Variants in IFT81 observed in about 807,000 individuals in gnomAD.
IFT81 encodes intraflagellar transport 81, also known as intraflagellar transport protein 81 homolog.
Under a neutral mutation model 102.6 loss-of-function variants are expected in IFT81, and 72 were observed. That is an observed-to-expected ratio of 0.70 (90% confidence interval 0.58 to 0.85). IFT81 has a LOEUF of 0.85. IFT81 is among the 40% of genes least tolerant of loss of function. The pLI, the probability that IFT81 is intolerant of heterozygous loss-of-function variation, is 0.00. For missense variants in IFT81, 723 were observed against 787.3 expected, an observed-to-expected ratio of 0.92 and a Z score of 0.98; for synonymous variants, 237 against 242.7, an observed-to-expected ratio of 0.98 and a Z score of 0.22.
chr12:110,179,742 A>G (rs1206040327), intron 11 of IFT81, among the ~76,000 whole-genome samples: 1 of 34,470 alleles, frequency 2.9e-5, no homozygotes, highest in Non-Finnish European at 4.7e-5. Context: ...ATATATATAT[A>G]TATATATATA....
chr12:110,147,013 C>G lies in IFT81; in HGVS notation c.1006C>G (p.Pro336Ala), dbSNP rs771779389. Reference sequence around the variant, plus strand: ...TGAAAAGAAAATGATGAGAAATGAGCCCATTGAAGGCAAACTCTCACTGTA... The same window carrying G: ...TGAAAAGAAAATGATGAGAAATGAGGCCATTGAAGGCAAACTCTCACTGTA... ...LIEKKMMRNEPIEGKLSLYRQ... is the reference protein window; with the variant it reads ...LIEKKMMRNEAIEGKLSLYRQ... Residue 336 changes from proline (P) to alanine (A), a missense_variant, in exon 10 of 19, where the codon CCC becomes GCC. Coordinates refer to ENST00000242591, the MANE Select transcript of IFT81 (RefSeq NM_014055.4). 6 of 1,610,106 alleles carry G rather than the reference C, an allele frequency of 3.7e-6. No homozygotes were observed. The Admixed American group carries it at 6.7e-5, about 18-fold the overall frequency.
At chr12:110,174,286 A>T (rs922045453) in intron 11 of IFT81, among the ~76,000 whole-genome samples, 1 of 144,292 alleles carries the variant, frequency 6.9e-6, no homozygotes, top group Non-Finnish European at 1.5e-5. Flanking sequence ...TCAAAAAAAA[A>T]AAAAAAAAAA....
At position 110,129,074 on chromosome 12, in the gene IFT81, C is replaced by G. The variant is rs772600529; in HGVS notation, c.373C>G (p.Leu125Val). Residue 125 changes from leucine (L) to valine (V), a missense_variant, in exon 4 of 19, where the codon CTT becomes GTT. Coordinates refer to ENST00000242591, the MANE Select transcript of IFT81 (RefSeq NM_014055.4). ...RAYLARFLIK[L>V]EVPSEFLQDE... ...ATATTTAGCTCGTTTTTTAATAAAACTTGAGGTACCAAGTGAGTTTCTTCA... is the reference window on the plus strand; with the variant it reads ...ATATTTAGCTCGTTTTTTAATAAAAGTTGAGGTACCAAGTGAGTTTCTTCA... 6.2e-7 allele frequency: 1 copy of G among 1,607,022 alleles called. No homozygotes were observed.
intron 8 of IFT81, among the ~76,000 whole-genome samples, chr12:110,142,269 G>A (rs1341877377): frequency 6.6e-6 from 1 of 152,088 alleles, no homozygotes; most frequent in Non-Finnish European, 1.5e-5. Flanking sequence ...CCAGGTTCAA[G>A]CGATCCTTGT....
intron 11 of IFT81, among the ~76,000 whole-genome samples, chr12:110,170,569 C>T (rs1208017732): frequency 6.6e-6 from 1 of 152,166 alleles, no homozygotes; most frequent in Non-Finnish European, 1.5e-5. Context: ...AAAAATCAGT[C>T]CCAATGATAT....
At chr12:110,129,995 C>T (rs1209116164) in intron 4 of IFT81, among the ~76,000 whole-genome samples, 2 of 152,122 alleles carry the variant, frequency 1.3e-5, no homozygotes, top group Non-Finnish European at 2.9e-5. Flanking sequence ...ATGTCTTATC[C>T]ATCTTTATTT....
At chr12:110,169,682 C>T (rs189110002) in intron 11 of IFT81, among the ~76,000 whole-genome samples, 1 of 152,216 alleles carries the variant, frequency 6.6e-6, no homozygotes, top group East Asian at 1.9e-4. Context: ...CATGCCTCAG[C>T]CTCCCAGGTG....
At chr12:110,207,861 T>C (rs1868880354) in intron 17 of IFT81, among the ~76,000 whole-genome samples, 1 of 152,196 alleles carries the variant, frequency 6.6e-6, no homozygotes, top group Non-Finnish European at 1.5e-5. Flanking sequence ...CTGCTTTAAA[T>C]CTCACATTTT....
At chr12:110,171,433 T>C (rs1896719725) in intron 11 of IFT81, among the ~76,000 whole-genome samples, 1 of 152,184 alleles carries the variant, frequency 6.6e-6, no homozygotes, top group Admixed American at 6.5e-5. Context: ...ACAAATTTCA[T>C]TTAATACAGA....
chr12:110,179,729 T>TAC (rs1283748840), intron 11 of IFT81, among the ~76,000 whole-genome samples: 32 of 11,416 alleles, frequency 2.8e-3, no homozygotes, highest in Non-Finnish European at 3.0e-3. Flanking sequence ...CGAAATTATA[T>TAC]ATATATATAT....
intron 14 of IFT81, among the ~76,000 whole-genome samples, chr12:110,196,261 G>GGT (rs1463269442): frequency 5.9e-5 from 9 of 152,212 alleles, no homozygotes; most frequent in African/African-American, 1.9e-4. Flanking sequence ...GTTCATGCCT[G>GGT]TAATCCTAGC....
chr12:110,200,290 G>A (rs553076950), intron 14 of IFT81, among the ~76,000 whole-genome samples: 1 of 152,220 alleles, frequency 6.6e-6, no homozygotes, highest in Admixed American at 6.5e-5. Flanking sequence ...TTCATATCTA[G>A]GCTATATGGT....
intron 9 of IFT81, among the ~76,000 whole-genome samples, chr12:110,145,862 GTCCAGTGGTGCGATC>G (rs1895196124): frequency 1.3e-5 from 2 of 152,184 alleles, no homozygotes; most frequent in East Asian, 3.9e-4. Flanking sequence ...CCAGGCTGGA[GTCCAGTGGTGCGATC>G]TCGGCTCACT....
chr12:110,183,289 G>A (rs1219186000), intron 12 of IFT81, among the ~76,000 whole-genome samples: 3 of 152,142 alleles, frequency 2.0e-5, no homozygotes, highest in Non-Finnish European at 4.4e-5. Context: ...TCCCATTAAG[G>A]ATGAAATGTC....
intron 9 of IFT81, among the ~76,000 whole-genome samples, chr12:110,144,504 C>T (rs866341534): frequency 2.9e-4 from 42 of 146,494 alleles, no homozygotes; most frequent in Middle Eastern, 4.5e-3. Flanking sequence ...CATGAGCCAC[C>T]GCACCAGGAC....
At chr12:110,138,743 A>T (rs137940898) in intron 8 of IFT81, among the ~76,000 whole-genome samples, 2 of 152,274 alleles carry the variant, frequency 1.3e-5, no homozygotes, top group Non-Finnish European at 2.9e-5. Flanking sequence ...GAGGCTAATC[A>T]TTGTTATACT....
intron 11 of IFT81, among the ~76,000 whole-genome samples, chr12:110,178,081 C>A (rs552229245): frequency 6.7e-6 from 1 of 148,936 alleles, no homozygotes; most frequent in African/African-American, 2.5e-5. Context: ...GGTGACAGAG[C>A]GAGACTCTGT....
Position 110,188,345 on chromosome 12 carries a change from T to A in IFT81, c.1339-2575T>A, listed in dbSNP as rs561181462. Among the ~76,000 whole-genome samples, 570 of 144,954 alleles carry A rather than the reference T, an allele frequency of 3.9e-3. 5 individuals carry two copies. Among genetic ancestry groups the A allele is most frequent in the Admixed American group, 7.8e-3 (113 of 14,400 alleles). Reference sequence around the variant, plus strand: ...AGACTCCGTCTCAAAAAAAAAAAATTAAAAAAAAAAATAACCCATCTGCTG... The same window carrying A: ...AGACTCCGTCTCAAAAAAAAAAAATAAAAAAAAAAAATAACCCATCTGCTG... On this transcript the variant is annotated intron_variant, in intron 12 of 18. Transcript: ENST00000242591.
chr12:110,185,343 G>A (rs2137531415), intron 12 of IFT81, among the ~76,000 whole-genome samples: 1 of 151,818 alleles, frequency 6.6e-6, no homozygotes, highest in African/African-American at 2.4e-5. Flanking sequence ...GTGCCACTAT[G>A]CCCAACTATT....
Sources: gnomAD v4.1 joint callset for allele counts (sites outside exome capture counted in the v4.1 genomes callset) on GRCh38, gnomAD v4.1.1 for gene constraint, MANE v1.5 for transcripts, NCBI Gene and HGNC (gene_info 2026-07-23, HGNC 2026-07-21) for gene names.